MOK: variants seen among roughly 807,000 people sequenced by gnomAD.
The protein encoded by MOK is MAPK/MAK/MRK overlapping kinase.
MOK carries 59 observed loss-of-function variants against 54.2 expected under a neutral mutation model. That is an observed-to-expected ratio of 1.09 (90% CI 0.88 to 1.35). The LOEUF is 1.35. Among genes scored for constraint, MOK ranks in the 40% most tolerant of loss-of-function variants. The pLI is 0.00. For missense variants in MOK, 517 were observed against 526.2 expected (o/e 0.98, Z 0.17); for synonymous variants, 210 against 202.7 (o/e 1.04, Z -0.31).
intron 1 of MOK, among the ~76,000 whole-genome samples, chr14:102,293,181 G>T (rs1275530688): frequency 1.3e-5 from 2 of 152,072 alleles, no homozygotes; most frequent in Non-Finnish European, 2.9e-5. Flanking sequence ...AACAAAGATG[G>T]TATTCACAGT....
At chr14:102,293,694 T>A (rs2153187194) in intron 1 of MOK, among the ~76,000 whole-genome samples, 1 of 32,956 alleles carries the variant, frequency 3.0e-5, no homozygotes, top group Non-Finnish European at 5.1e-5. Flanking sequence ...AGAGCGAAAC[T>A]CCATCACAAA....
intron 7 of MOK, among the ~76,000 whole-genome samples, chr14:102,246,915 C>T (rs1427226941): frequency 1.3e-5 from 2 of 151,946 alleles, no homozygotes; most frequent in Non-Finnish European, 1.5e-5. Context: ...AACCCTCCAC[C>T]GAACAGACTA....
intron 1 of MOK, among the ~76,000 whole-genome samples, chr14:102,300,536 C>G (rs1170072077): frequency 6.6e-6 from 1 of 151,960 alleles, no homozygotes; most frequent in Non-Finnish European, 1.5e-5. Context: ...GCAACAGACT[C>G]TATCTCAAAC....
chr14:102,254,381 T>A (rs2066765893), intron 4 of MOK, among the ~76,000 whole-genome samples: 1 of 152,102 alleles, frequency 6.6e-6, no homozygotes, highest in African/African-American at 2.4e-5. Flanking sequence ...GAATCAAAAG[T>A]AAGACCTTTA....
chr14:102,285,680 C>G (rs971587302), intron 1 of MOK, among the ~76,000 whole-genome samples: 5 of 151,708 alleles, frequency 3.3e-5, no homozygotes, highest in Non-Finnish European at 7.4e-5. Context: ...TCACTTGAGG[C>G]CAGGAGTTCG....
intron 1 of MOK, among the ~76,000 whole-genome samples, chr14:102,299,031 A>G (rs2071822869): frequency 6.6e-6 from 1 of 152,176 alleles, no homozygotes; most frequent in South Asian, 2.1e-4. Flanking sequence ...AACTCCAGAC[A>G]CACTGCTTTT....
At chr14:102,273,254 A>G (rs2153153014) in intron 2 of MOK, among the ~76,000 whole-genome samples, 1 of 151,422 alleles carries the variant, frequency 6.6e-6, no homozygotes, top group East Asian at 1.9e-4. Context: ...AAAAAATCCT[A>G]AGAAAGCAAC....
chr14:102,285,044 C>A (rs915711985), intron 1 of MOK, among the ~76,000 whole-genome samples: 2 of 147,662 alleles, frequency 1.4e-5, no homozygotes, highest in Non-Finnish European at 3.0e-5. Context: ...GATCACACTA[C>A]TGCACTCCAG....
rs148379011 is a variant in MOK at position 102,240,195 on chromosome 14, C to T, written c.591-6406G>A. On this transcript the variant is annotated intron_variant, in intron 7 of 11. Transcript: ENST00000361847. The surrounding 1 kb of genome is among the most constrained non-coding windows in gnomAD (Gnocchi z 5.4). ...CACTACCTACCCAAATCCTATAAAA[C>T]GACCCACCCCTATCTCCCTTTGCTG... is the stretch of plus-strand genomic sequence containing the variant. 4.9e-4 allele frequency among the ~76,000 whole-genome samples: 74 copies of T among 152,310 alleles called. No homozygotes were observed. The East Asian group carries it at 0.012, about 24-fold the overall frequency.
chr14:102,215,047 A>C, the MOK span: 5 of 957,394 alleles, frequency 5.2e-6, no homozygotes, highest in Non-Finnish European at 6.2e-6. Flanking sequence ...CTAAGCTTTA[A>C]AAATCCCAGT....
At chr14:102,228,123 C>G (rs1208566736), downstream of MOK, among the ~76,000 whole-genome samples, 1 of 152,214 alleles carries the variant, frequency 6.6e-6, no homozygotes, top group Non-Finnish European at 1.5e-5. Flanking sequence ...ACAGGTTTCT[C>G]TTTCTAGGAC....
In MOK at chr14:102,231,050, A is replaced by G. The variant is rs893960891; in HGVS notation, c.981+657T>C. 3 of 152,406 alleles carry G rather than the reference A, an allele frequency of 2.0e-5. No homozygotes were observed. The highest frequency in any genetic ancestry group is 1.9e-4 in the East Asian group (1 of 5,184). The allele number at this position is 152,406 out of a possible 1,614,324, so 9.4% of individuals were successfully genotyped here. Reference sequence around the variant, plus strand: ...GCGAGTGACGTACGGACGACCGAACAGACGAATGATGGAAGGGCACACTGT... The same window carrying G: ...GCGAGTGACGTACGGACGACCGAACGGACGAATGATGGAAGGGCACACTGT... On this transcript the variant is annotated intron_variant, in intron 10 of 11. Transcript: ENST00000361847. The surrounding 1 kb of genome is among the most constrained non-coding windows in gnomAD (Gnocchi z 4.4).
intron 2 of MOK, among the ~76,000 whole-genome samples, chr14:102,270,744 T>C (rs1417601380): frequency 6.6e-6 from 1 of 152,166 alleles, no homozygotes; most frequent in Non-Finnish European, 1.5e-5. Flanking sequence ...AACAGCCCTA[T>C]TTAATAAAAT....
chr14:102,263,395 A>G (rs2067633898), intron 4 of MOK, 151 bp downstream of exon 4: 1 of 448,856 alleles, frequency 2.2e-6, no homozygotes, highest in African/African-American at 2.0e-5. Flanking sequence ...CAGTCAGAAA[A>G]ATGCCTCCTG....
intron 1 of MOK, among the ~76,000 whole-genome samples, chr14:102,287,989 CG>C (rs1355163068): frequency 3.3e-5 from 5 of 151,622 alleles, no homozygotes; most frequent in African/African-American, 9.7e-5. Flanking sequence ...CGCCCGCCAC[CG>C]CGCCCGGCTA....
chr14:102,272,273 G>A (rs7160539), intron 2 of MOK, among the ~76,000 whole-genome samples: 19,579 of 152,164 alleles, frequency 0.13, 1,744 homozygotes, highest in African/African-American at 0.25. Context: ...CGAATTGCCT[G>A]AGGTCAGGAG....
At position 102,232,694 on chromosome 14, in the gene MOK, T is replaced by C. The variant is rs1431326156; in HGVS notation, c.707A>G (p.Asn236Ser). The change falls in exon 9 of 12, where the codon AAT (asparagine) becomes AGT (serine). Residue 236 changes from asparagine (N) to serine (S), a missense_variant. Physicochemically the swap from Asn to Ser is conservative, Grantham distance 46. Coordinates refer to ENST00000361847, the MANE Select transcript of MOK (RefSeq NM_014226.3). The surrounding 1 kb of genome is among the most constrained non-coding windows in gnomAD (Gnocchi z 5.1). ...TCCCTTTTTAAAAGGAAAATCAAAA[T>C]TCATAGCTCTCGACCTGTATTAAAA... ...LTKFKQSRAM[N>S]FDFPFKKGSG... 6.2e-7 allele frequency: 1 copy of C among 1,613,578 alleles called. No homozygotes were observed. Among genetic ancestry groups the C allele is most frequent in the African/African-American group, 1.3e-5 (1 of 74,880 alleles).
intron 7 of MOK, among the ~76,000 whole-genome samples, chr14:102,242,172 G>A (rs757460414): frequency 1.3e-5 from 2 of 152,148 alleles, no homozygotes; most frequent in East Asian, 1.9e-4. Context: ...TCTTACAGTG[G>A]AGGGTAAGTC....
chr14:102,275,461 G>A (rs2068773214), intron 2 of MOK, among the ~76,000 whole-genome samples: 1 of 152,026 alleles, frequency 6.6e-6, no homozygotes, highest in South Asian at 2.1e-4. Flanking sequence ...CTACTCGGGA[G>A]GCTGAGGCAG....
Sources: gnomAD v4.1 joint callset for allele counts (sites outside exome capture counted in the v4.1 genomes callset) on GRCh38, gnomAD v4.1.1 for gene constraint, Gnocchi (gnomAD v3.1) non-coding constraint, MANE v1.5 for transcripts, NCBI Gene and HGNC (gene_info 2026-07-23, HGNC 2026-07-21) for gene names.